The following AUTS2 variants were observed in gnomAD, a reference collection of about 807,000 sequenced individuals.
The protein encoded by AUTS2 is autism susceptibility gene 2 protein.
A neutral mutation model predicts 112.4 loss-of-function variants in AUTS2; 17 were observed. The ratio of observed to expected loss-of-function variants is 0.15; its 90% confidence interval spans 0.10 to 0.23. The LOEUF is 0.23. Among genes scored for constraint, AUTS2 ranks in the 10% least tolerant of loss-of-function variants. AUTS2 has a pLI of 1.00. For missense variants in AUTS2, 1,510 were observed against 1,701.6 expected (o/e 0.89, Z 1.98); for synonymous variants, 751 against 702.7 (o/e 1.07, Z -1.09).
chr7:70,169,005 TC>T, intron 4 of AUTS2, among the ~76,000 whole-genome samples: 1 of 152,102 alleles, frequency 6.6e-6, no homozygotes, highest in Admixed American at 6.5e-5. Flanking sequence ...ATTTTAATAA[TC>T]CCAATAAAAT....
intron 6 of AUTS2, among the ~76,000 whole-genome samples, chr7:70,743,834 T>G (rs532875805): frequency 2.3e-4 from 35 of 152,320 alleles, no homozygotes; most frequent in African/African-American, 7.9e-4. Context: ...TAGTTTTGAC[T>G]GGGGCCCTCA....
intron 5 of AUTS2, among the ~76,000 whole-genome samples, chr7:70,554,128 G>A (rs1295414560): frequency 6.7e-6 from 1 of 148,680 alleles, no homozygotes; most frequent in Non-Finnish European, 1.5e-5. Context: ...GAGTGCAATG[G>A]CGCGATCTCC....
intron 5 of AUTS2, among the ~76,000 whole-genome samples, chr7:70,575,967 G>C (rs1033761850): frequency 6.6e-6 from 1 of 152,164 alleles, no homozygotes; most frequent in Non-Finnish European, 1.5e-5. Flanking sequence ...TAGCATGGCT[G>C]TCCCCAGGTA....
intron 4 of AUTS2, among the ~76,000 whole-genome samples, chr7:70,378,171 A>G (rs950425332): frequency 2.0e-5 from 3 of 152,170 alleles, no homozygotes; most frequent in African/African-American, 7.2e-5. Context: ...TGGATATGCC[A>G]CATTTTATCT....
At chr7:70,396,230 T>A (rs1160926190) in intron 4 of AUTS2, among the ~76,000 whole-genome samples, 1 of 152,124 alleles carries the variant, frequency 6.6e-6, no homozygotes, top group African/African-American at 2.4e-5. Flanking sequence ...ACCCAGCCCC[T>A]GCCACATATA....
chr7:69,830,299 A>G (rs1300873155), intron 1 of AUTS2, among the ~76,000 whole-genome samples: 1 of 152,180 alleles, frequency 6.6e-6, no homozygotes, highest in Non-Finnish European at 1.5e-5. Context: ...CTTAAAACCT[A>G]GATGATGGGT....
chr7:70,444,343 CGTGTGTGTGT>C (rs370735846), intron 5 of AUTS2, among the ~76,000 whole-genome samples: 1 of 138,686 alleles, frequency 7.2e-6, no homozygotes, highest in Admixed American at 7.2e-5. Context: ...TGGTCATGTA[CGTGTGTGTGT>C]GTGTGTGTGT....
chr7:70,111,797 G>A lies in AUTS2; in HGVS notation c.523-6335G>A, dbSNP rs142043924. On this transcript the variant is annotated intron_variant, in intron 2 of 18. Transcript: ENST00000342771. The stretch of plus-strand genomic sequence containing the variant: ...AAAAACTTTAGACTGCTTAATTATG[G>A]TTTTGAAAGTATCACTGTAGAATGT... 6.2e-3 allele frequency among the ~76,000 whole-genome samples: 947 copies of A among 152,124 alleles called. 43 individuals are homozygous for A. The highest frequency in any genetic ancestry group is 0.049 in the Admixed American group (745 of 15,278).
intron 4 of AUTS2, among the ~76,000 whole-genome samples, chr7:70,326,376 T>G (rs1459990441): frequency 6.6e-6 from 1 of 152,212 alleles, no homozygotes; most frequent in Non-Finnish European, 1.5e-5. Context: ...GGGGTTTTCC[T>G]TACTCCATGC....
chr7:70,701,690 C>T (rs1020318205), intron 6 of AUTS2, among the ~76,000 whole-genome samples: 18 of 152,130 alleles, frequency 1.2e-4, no homozygotes, highest in African/African-American at 4.3e-4. Flanking sequence ...GAGGACTGAG[C>T]ATTTCGAAAG....
At chr7:69,709,273 A>G (rs765395401) in intron 1 of AUTS2, among the ~76,000 whole-genome samples, 1 of 152,184 alleles carries the variant, frequency 6.6e-6, no homozygotes, top group Non-Finnish European at 1.5e-5. Flanking sequence ...TTTCCCAGGA[A>G]TGGGGTAGCA....
rs1319697846 is a variant in AUTS2, at chr7:69,778,400, TA to T, written c.310-120877del. Among the ~76,000 whole-genome samples, 5 of 149,952 alleles carry T rather than the reference TA, an allele frequency of 3.3e-5. No individual in the cohort carries two copies. The East Asian group carries it at 7.8e-4, about 23-fold the overall frequency. On this transcript the variant is annotated intron_variant, in intron 1 of 18. Coordinates refer to ENST00000342771, the MANE Select transcript of AUTS2 (RefSeq NM_015570.4). ...GTATGTTAGAATCACCCAGGGAGTT[TA>T]AAAAAAAACCCATGCCAAGACCCCA...
At chr7:70,174,632 A>G (rs567198230) in intron 4 of AUTS2, among the ~76,000 whole-genome samples, 30 of 152,344 alleles carry the variant, frequency 2.0e-4, no homozygotes, top group African/African-American at 6.7e-4. Flanking sequence ...CTTTAAGTTG[A>G]AACCATTGCT....
At chr7:69,984,390 G>C (rs1414120347) in intron 2 of AUTS2, among the ~76,000 whole-genome samples, 1 of 134,634 alleles carries the variant, frequency 7.4e-6, no homozygotes, top group Non-Finnish European at 1.5e-5. Flanking sequence ...CTGGGCGACA[G>C]AGTGAGACTC....
chr7:70,326,254 T>A (rs1211636414), intron 4 of AUTS2, among the ~76,000 whole-genome samples: 2 of 152,172 alleles, frequency 1.3e-5, no homozygotes, highest in Non-Finnish European at 2.9e-5. Context: ...TTTTCTAGGC[T>A]TTTTACCCAC....
intron 4 of AUTS2, among the ~76,000 whole-genome samples, chr7:70,267,651 C>T (rs1287638878): frequency 6.6e-6 from 1 of 152,216 alleles, no homozygotes; most frequent in African/African-American, 2.4e-5. Context: ...CTCTGTCATG[C>T]ACTTTCACGT....
At chr7:70,620,448 G>C (rs1177649910) in intron 5 of AUTS2, among the ~76,000 whole-genome samples, 2 of 152,150 alleles carry the variant, frequency 1.3e-5, no homozygotes, top group Non-Finnish European at 2.9e-5. Context: ...TCGGTGTGCA[G>C]TAGGCGCTCA....
intron 2 of AUTS2, among the ~76,000 whole-genome samples, chr7:70,066,539 AT>A (rs71068013): frequency 0.013 from 1,811 of 137,818 alleles, 16 homozygotes; most frequent in African/African-American, 0.034. Flanking sequence ...TACCCAGTAA[AT>A]TTTTTTTTTT....
At chr7:70,318,030 G>C (rs1434533452) in intron 4 of AUTS2, among the ~76,000 whole-genome samples, 1 of 152,126 alleles carries the variant, frequency 6.6e-6, no homozygotes, top group Admixed American at 6.5e-5. Context: ...GTGTCGGTTG[G>C]ATCATGGCTC....
Sources: gnomAD v4.1 joint callset for allele counts (sites outside exome capture counted in the v4.1 genomes callset) on GRCh38, gnomAD v4.1.1 for gene constraint, MANE v1.5 for transcripts, NCBI Gene and HGNC (gene_info 2026-07-23, HGNC 2026-07-21) for gene names.